Variants in SLIT1 observed in about 807,000 individuals in gnomAD.
SLIT1 encodes slit homolog 1 protein.
In SLIT1, 66 loss-of-function variants were observed where a neutral mutation model predicts 186.1. The observed-to-expected ratio is 0.35, with a 90% CI of 0.29 to 0.44. The LOEUF (loss-of-function observed/expected upper bound fraction) is 0.44. Ranked by LOEUF, SLIT1 falls within the 20% of genes least tolerant of loss-of-function variation. The pLI is 1.00. For missense variants in SLIT1, 1,638 were observed against 2,037.4 expected (o/e 0.80, Z 3.77); for synonymous variants, 761 against 833.8 (o/e 0.91, Z 1.50).
At chr10:97,087,605 A>G (rs1283138022) in intron 4 of SLIT1, among the ~76,000 whole-genome samples, 3 of 152,148 alleles carry the variant, frequency 2.0e-5, no homozygotes, top group Non-Finnish European at 4.4e-5. Flanking sequence ...CCATGATCCA[A>G]TAGTGTGCAC....
intron 1 of SLIT1, among the ~76,000 whole-genome samples, chr10:97,178,241 T>C (rs1850282809): frequency 1.3e-5 from 2 of 152,242 alleles, no homozygotes; most frequent in South Asian, 4.1e-4. Context: ...ACTTATCAAG[T>C]AATTAAAGAT....
rs117171804 is a variant in SLIT1, at chr10:97,091,566, T to C, written c.414-25480A>G. On this transcript the variant is annotated intron_variant, in intron 4 of 36. Transcript: ENST00000266058. ...AAGCTCTCAGCCCCCCAAATTCTCC[T>C]TGAAACAACTTTACCATCCTGCTGG... Among the ~76,000 whole-genome samples the C allele has an allele frequency of 4.0e-3, 617 of 152,362 alleles. 3 individuals are homozygous for C. Among genetic ancestry groups the C allele is most frequent in the Non-Finnish European group, 6.0e-3 (408 of 68,032 alleles).
At position 97,065,962 on chromosome 10, in the gene SLIT1, C is replaced by T. The variant is rs552139593; in HGVS notation, c.485+53G>A. ...CTCAGGGATACCCTGAGGATGCTGC[C>T]AGGAGTGGCCCTGGAGCCCCCACAC... is the stretch of plus-strand genomic sequence containing the variant. On this transcript the variant is annotated intron_variant, in intron 5 of 36. Coordinates refer to ENST00000266058, the MANE Select transcript of SLIT1 (RefSeq NM_003061.3). The T allele has an allele frequency of 9.7e-6, 13 of 1,335,292 alleles. No homozygotes were observed. In the African/African-American group the frequency reaches 1.9e-4, roughly 19 times the overall value. The allele number at this position is 1,335,292 out of a possible 1,614,324, so 82.7% of individuals were successfully genotyped here.
chr10:97,010,932 TGCCAGCCCAG>T lies in SLIT1; in HGVS notation c.3341+51_3341+60del. ...TTCCTTCGCCATGGCTGGAGGCTCCTGCCAGCCCAGGGGCTGACAGCCACAAGGAGTCACT... is the reference window on the plus strand; with the variant it reads ...TTCCTTCGCCATGGCTGGAGGCTCCTGGGCTGACAGCCACAAGGAGTCACT... On this transcript the variant is annotated intron_variant, in intron 31 of 36. Coordinates refer to ENST00000266058, the MANE Select transcript of SLIT1 (RefSeq NM_003061.3). This position sits in a 1 kb window ranked among gnomAD's most constrained non-coding sequence, Gnocchi z 4.8. The T allele has an allele frequency of 1.3e-6, 2 of 1,548,518 alleles. No homozygotes were observed. The highest frequency in any genetic ancestry group is 1.8e-6 in the Non-Finnish European group (2 of 1,136,228).
rs557413500 is a variant in SLIT1 at position 97,037,683 on chromosome 10, G to A, written c.2366+15C>T. ...GCCAAAGGCCCTCCTGTCCTCAAGC[G>A]GCCTGGATACTTACACGAGCTGCAG... On this transcript the variant is annotated intron_variant, in intron 22 of 36. Transcript: ENST00000266058. 3.1e-5 allele frequency: 50 copies of A among 1,604,064 alleles called. 1 individual carries two copies. The South Asian group carries it at 3.4e-4, about 11-fold the overall frequency.
intron 4 of SLIT1, among the ~76,000 whole-genome samples, chr10:97,072,980 C>T (rs986016436): frequency 6.6e-6 from 1 of 152,324 alleles, no homozygotes; most frequent in East Asian, 1.9e-4. Context: ...TGTCCCTGCC[C>T]GAAGCACAGC....
chr10:97,014,345 T>C lies in SLIT1; in HGVS notation c.2970-187A>G, dbSNP rs12254525. 0.13 allele frequency among the ~76,000 whole-genome samples: 19,742 copies of C among 152,100 alleles called. 1,579 individuals are homozygous for C. The highest frequency in any genetic ancestry group is 0.22 in the African/African-American group (8,985 of 41,480). ...GCCCTCATGGGATTCACTCACAGTC[T>C]AGTGGGGAGGCTAAAAGGAGATGGA... On this transcript the variant is annotated intron_variant, in intron 28 of 36. Transcript: ENST00000266058.
At position 97,046,814 on chromosome 10, in the gene SLIT1, G is replaced by A. The variant is rs777103889; in HGVS notation, c.1710-17C>T. The A allele has an allele frequency of 1.2e-6, 2 of 1,609,548 alleles. No homozygotes were observed. The highest frequency in any genetic ancestry group is 8.5e-7 in the Non-Finnish European group (1 of 1,179,738). The stretch of plus-strand genomic sequence containing the variant: ...CTCAGATTGCTGGGAGAAGAGGCGG[G>A]GGGAGGATTACATATGGCCAGCAGC... On this transcript the variant is annotated splice_polypyrimidine_tract_variant and intron_variant, in intron 17 of 36. Coordinates refer to ENST00000266058, the MANE Select transcript of SLIT1 (RefSeq NM_003061.3).
At chr10:97,001,792 C>T (rs780178256) in intron 36 of SLIT1, among the ~76,000 whole-genome samples, 2 of 152,088 alleles carry the variant, frequency 1.3e-5, no homozygotes, top group African/African-American at 4.8e-5. Flanking sequence ...TCAAGCAGGC[C>T]AGGGAGGGCC....
chr10:97,140,651 C>G (rs572975487), intron 4 of SLIT1, among the ~76,000 whole-genome samples: 49 of 152,258 alleles, frequency 3.2e-4, no homozygotes, highest in African/African-American at 1.2e-3. Flanking sequence ...AACACCAGGG[C>G]CCCAAAGACA....
chr10:97,145,793 C>T (rs1370681988), intron 4 of SLIT1, among the ~76,000 whole-genome samples: 5 of 152,176 alleles, frequency 3.3e-5, no homozygotes, highest in African/African-American at 9.7e-5. Context: ...AAGGCTTCTC[C>T]AAGATGCTCC....
At position 97,043,280 on chromosome 10, in the gene SLIT1, C is replaced by A. The variant is rs537148813; in HGVS notation, c.1997+90G>T. ...AGCAAACCACGAAGACCCAGCACCC[C>A]CAGGGTGAGCTCTTTCAAAGTGGCT... On this transcript the variant is annotated intron_variant, in intron 19 of 36. Transcript: ENST00000266058. This position sits in a 1 kb window ranked among gnomAD's most constrained non-coding sequence, Gnocchi z 7.0. 2.5e-5 allele frequency: 39 copies of A among 1,532,718 alleles called. No individual in the cohort carries two copies. In the African/African-American group the frequency reaches 4.1e-4, roughly 16 times the overall value. 94.9% of individuals were successfully genotyped at this position (1,532,718 alleles called of 1,614,324 possible). A position where few individuals can be genotyped will look rare whatever the true frequency, so the allele number is the denominator to read the frequency against.
At chr10:97,178,151 G>A (rs4919079) in intron 1 of SLIT1, among the ~76,000 whole-genome samples, 31,535 of 152,092 alleles carry the variant, frequency 0.21, 3,489 homozygotes, top group Non-Finnish European at 0.25. Flanking sequence ...CCCAGCTTCA[G>A]ACAATCCCCC....
intron 20 of SLIT1, among the ~76,000 whole-genome samples, chr10:97,041,850 T>C (rs1848693359): frequency 6.6e-6 from 1 of 150,526 alleles, no homozygotes; most frequent in Admixed American, 6.6e-5. Context: ...ATTTCTTTTG[T>C]AAAAAGAAGG....
chr10:97,018,615 A>G lies in SLIT1; in HGVS notation c.2940T>C (p.His980=). ...SGPCENGGTC[H]AQEGEDAPFT... ...ACGGGGCATCCTCGCCCTCCTGTGC[A>G]TGGCAGGTGCCCCCATTTTCACAGG... Residue 980 remains histidine (H), a synonymous_variant, in exon 28 of 37, where the codon CAT becomes CAC. Coordinates refer to ENST00000266058, the MANE Select transcript of SLIT1 (RefSeq NM_003061.3). 3 of 1,594,512 alleles carry G rather than the reference A, an allele frequency of 1.9e-6. No individual in the cohort carries two copies. The highest frequency in any genetic ancestry group is 1.3e-5 in the African/African-American group (1 of 74,644).
At chr10:97,164,525 G>A (rs574114241) in intron 2 of SLIT1, among the ~76,000 whole-genome samples, 246 of 152,278 alleles carry the variant, frequency 1.6e-3, no homozygotes, top group Middle Eastern at 3.4e-3. Context: ...GATTGGTCAC[G>A]AGGTCCCTGC....
chr10:97,098,337 G>A (rs1184845074), intron 4 of SLIT1, among the ~76,000 whole-genome samples: 1 of 152,240 alleles, frequency 6.6e-6, no homozygotes, highest in African/African-American at 2.4e-5. Context: ...GGGAAGACAG[G>A]CTGAGGAAGT....
At chr10:97,031,858 G>T (rs890250629) in intron 23 of SLIT1, among the ~76,000 whole-genome samples, 181 bp from the exon 24 acceptor site, 2 of 152,242 alleles carry the variant, frequency 1.3e-5, no homozygotes, top group African/African-American at 4.8e-5. Context: ...GTGGTCTTGG[G>T]CATGCCCCCT....
chr10:97,029,082 G>T (rs980751466), intron 25 of SLIT1, among the ~76,000 whole-genome samples: 4 of 152,158 alleles, frequency 2.6e-5, no homozygotes, highest in African/African-American at 9.7e-5. Flanking sequence ...GCACTTCCCG[G>T]TTCAATCATG....
Sources: allele counts gnomAD v4.1 joint callset (sites outside exome capture counted in the v4.1 genomes callset), GRCh38; gene constraint gnomAD v4.1.1; non-coding constraint Gnocchi (gnomAD v3.1); transcripts MANE v1.5; gene names NCBI Gene and HGNC (gene_info 2026-07-23, HGNC 2026-07-21).